The following ERBB4 variants were observed in gnomAD, a reference collection of about 807,000 sequenced individuals.
The protein encoded by ERBB4 is erb-b2 receptor tyrosine kinase 4, also known as receptor tyrosine-protein kinase erbB-4.
Under a neutral mutation model 158.0 loss-of-function variants are expected in ERBB4, and 42 were observed. The observed-to-expected ratio is 0.27, with a 90% CI of 0.21 to 0.34. ERBB4 has a LOEUF of 0.34. Ranked by LOEUF, ERBB4 falls within the 10% of genes least tolerant of loss-of-function variation. ERBB4 has a pLI of 1.00. For synonymous variants in ERBB4, 583 were observed against 558.7 expected, an observed-to-expected ratio of 1.04 and a Z score of -0.61; for missense variants, 1,333 against 1,624.1, an observed-to-expected ratio of 0.82 and a Z score of 3.08.
At chr2:211,795,402 T>C (rs1332548790) in intron 3 of ERBB4, among the ~76,000 whole-genome samples, 1 of 151,920 alleles carries the variant, frequency 6.6e-6, no homozygotes, top group East Asian at 1.9e-4. Flanking sequence ...TTTAAATTGC[T>C]AATTATTTAA....
intron 1 of ERBB4, among the ~76,000 whole-genome samples, chr2:212,396,712 C>T (rs2091035608): frequency 6.6e-6 from 1 of 152,070 alleles, no homozygotes; most frequent in Non-Finnish European, 1.5e-5. Flanking sequence ...CAGACCCAAA[C>T]CAATTATTCT....
chr2:212,405,014 G>C (rs925479501), intron 1 of ERBB4, among the ~76,000 whole-genome samples: 25 of 151,852 alleles, frequency 1.6e-4, no homozygotes, highest in African/African-American at 6.0e-4. Context: ...AATATTCCTT[G>C]GTATATATGT....
intron 3 of ERBB4, among the ~76,000 whole-genome samples, chr2:211,839,205 A>AAGAGAGAG (rs60603782): frequency 6.9e-6 from 1 of 145,858 alleles, no homozygotes; most frequent in Admixed American, 6.8e-5. Context: ...GAAAGAAAGA[A>AAGAGAGAG]AGAGAGAGAG....
chr2:211,631,825 C>T (rs934529997), intron 16 of ERBB4, among the ~76,000 whole-genome samples: 1 of 152,050 alleles, frequency 6.6e-6, no homozygotes, highest in African/African-American at 2.4e-5. Flanking sequence ...CCTGCTCATG[C>T]TTTCCATAAT....
intron 1 of ERBB4, among the ~76,000 whole-genome samples, chr2:212,266,417 C>A (rs1445332585): frequency 6.6e-6 from 1 of 151,882 alleles, no homozygotes; most frequent in Admixed American, 6.6e-5. Context: ...AAAAGAGAAA[C>A]CTGCCAGCAG....
At chr2:211,661,996 G>T (rs1172630454) in intron 15 of ERBB4, among the ~76,000 whole-genome samples, 1 of 117,264 alleles carries the variant, frequency 8.5e-6, no homozygotes, top group Non-Finnish European at 1.6e-5. Flanking sequence ...CCGAGATCCC[G>T]CCACTGCACT....
intron 20 of ERBB4, among the ~76,000 whole-genome samples, chr2:211,523,153 A>T (rs1437124463): frequency 6.9e-6 from 1 of 144,246 alleles, no homozygotes; most frequent in East Asian, 2.0e-4. Flanking sequence ...ACCAAATTCA[A>T]CAACTGCCTA....
intron 1 of ERBB4, among the ~76,000 whole-genome samples, chr2:212,287,348 T>C (rs1162111106): frequency 6.6e-6 from 1 of 152,180 alleles, no homozygotes; most frequent in Non-Finnish European, 1.5e-5. Flanking sequence ...CACAGAGCTA[T>C]AGGTGAGAAG....
chr2:212,074,838 T>A (rs1017711766), intron 2 of ERBB4, among the ~76,000 whole-genome samples: 4 of 152,104 alleles, frequency 2.6e-5, no homozygotes, highest in Non-Finnish European at 4.4e-5. Flanking sequence ...TTGGGAATTC[T>A]TGTCCTAGCG....
chr2:211,843,866 T>C (rs1171614489), intron 3 of ERBB4, among the ~76,000 whole-genome samples: 1 of 152,116 alleles, frequency 6.6e-6, no homozygotes, highest in Non-Finnish European at 1.5e-5. Flanking sequence ...ACAATATTTA[T>C]AAGAAAACGT....
At chr2:211,553,835 G>C (rs554838314) in intron 20 of ERBB4, among the ~76,000 whole-genome samples, 1 of 152,278 alleles carries the variant, frequency 6.6e-6, no homozygotes, top group South Asian at 2.1e-4. Flanking sequence ...TTATTTTACA[G>C]TGTCCCTTGT....
intron 3 of ERBB4, among the ~76,000 whole-genome samples, chr2:211,941,899 A>C (rs1005337907): frequency 1.3e-5 from 2 of 152,100 alleles, no homozygotes; most frequent in Non-Finnish European, 2.9e-5. Context: ...CCAATGTGAA[A>C]GATGCTTTAA....
intron 1 of ERBB4, among the ~76,000 whole-genome samples, chr2:212,266,795 C>G (rs1304050410): frequency 6.6e-6 from 1 of 151,724 alleles, no homozygotes; most frequent in Non-Finnish European, 1.5e-5. Context: ...TAAATTAAAG[C>G]TGATTATAAA....
At chr2:211,675,480 T>A (rs6759039) in intron 13 of ERBB4, among the ~76,000 whole-genome samples, 87,208 of 151,814 alleles carry the variant, frequency 0.57, 26,123 homozygotes, top group African/African-American at 0.71. Flanking sequence ...AGGAGCTTAG[T>A]CTGGTTCCCT....
intron 1 of ERBB4, among the ~76,000 whole-genome samples, chr2:212,302,551 T>C (rs2086660953): frequency 6.6e-6 from 1 of 151,404 alleles, no homozygotes; most frequent in African/African-American, 2.4e-5. Flanking sequence ...TGCAGTACGA[T>C]AAAACATTGG....
intron 1 of ERBB4, among the ~76,000 whole-genome samples, chr2:212,285,813 T>C (rs2085939951): frequency 6.6e-6 from 1 of 152,164 alleles, no homozygotes; most frequent in Non-Finnish European, 1.5e-5. Flanking sequence ...TCGAGTAGAA[T>C]AGATTTTATA....
chr2:212,273,912 G>A (rs1356461693), intron 1 of ERBB4, among the ~76,000 whole-genome samples: 3 of 151,696 alleles, frequency 2.0e-5, no homozygotes, highest in Non-Finnish European at 4.4e-5. Context: ...TAGGAGTTAG[G>A]GGTGCTGACC....
intron 9 of ERBB4, 64 bp from the exon 10 acceptor site, chr2:211,705,455 A>C: frequency 4.4e-5 from 44 of 996,184 alleles, no homozygotes; most frequent in Non-Finnish European, 6.0e-5. Context: ...AATATGAGAA[A>C]TGTGACAATA....
intron 3 of ERBB4, among the ~76,000 whole-genome samples, chr2:211,930,407 A>G (rs2080141934): frequency 6.6e-6 from 1 of 152,314 alleles, no homozygotes; most frequent in South Asian, 2.1e-4. Context: ...AAGTAAGTCT[A>G]AACACTTGTG....
Sources: gnomAD v4.1 joint callset for allele counts (sites outside exome capture counted in the v4.1 genomes callset) on GRCh38, gnomAD v4.1.1 for gene constraint, MANE v1.5 for transcripts, NCBI Gene and HGNC (gene_info 2026-07-23, HGNC 2026-07-21) for gene names.